The following PLIN2 variants were observed in gnomAD, a reference collection of about 807,000 sequenced individuals.
The protein encoded by PLIN2 is perilipin 2.
PLIN2 carries 33 observed loss-of-function variants against 30.6 expected under a neutral mutation model. That is an observed-to-expected ratio of 1.08 (90% CI 0.82 to 1.44). PLIN2 has a LOEUF of 1.44. Ranked by LOEUF, PLIN2 falls within the 40% of genes most tolerant of loss-of-function variation. PLIN2 has a pLI of 0.00. For synonymous variants in PLIN2, 205 were observed against 201.1 expected (o/e 1.02, Z -0.16); for missense variants, 610 against 531.8 (o/e 1.15, Z -1.45).
chr9:19,119,118 C>T (rs533490494), intron 6 of PLIN2, among the ~76,000 whole-genome samples: 3 of 152,338 alleles, frequency 2.0e-5, no homozygotes, highest in African/African-American at 7.2e-5. Flanking sequence ...ATGGTTTTCT[C>T]ATGGCAGTAC....
chr9:19,126,904 T>A (rs1414099117), intron 1 of PLIN2, among the ~76,000 whole-genome samples: 1 of 151,796 alleles, frequency 6.6e-6, no homozygotes, highest in Non-Finnish European at 1.5e-5. Flanking sequence ...TAGCCGGGCG[T>A]GGTGGCGGGC....
downstream of PLIN2, chr9:19,115,638 T>G (rs1164409486): frequency 6.6e-6 from 1 of 152,262 alleles, no homozygotes; most frequent in Non-Finnish European, 1.5e-5. Flanking sequence ...AGCCTTCTAA[T>G]GTTCTCACTC....
rs546970727 is a variant in PLIN2, at chr9:19,117,371, C to T, written c.913-722G>A. On this transcript the variant is annotated intron_variant, in intron 7 of 7. Coordinates refer to ENST00000276914, the MANE Select transcript of PLIN2 (RefSeq NM_001122.4). ...AGATGGGGTTTCACAGTTGCCCAGG[C>T]TGGTCCTGAATTCCTGGGCTCAAGT... 3.3e-4 allele frequency among the ~76,000 whole-genome samples: 50 copies of T among 152,204 alleles called. 1 individual carries two copies. In the South Asian group the frequency reaches 9.5e-3, roughly 29 times the overall value.
chr9:19,120,825 G>C, intron 5 of PLIN2, 55 bp downstream of exon 5: 1 of 1,354,660 alleles, frequency 7.4e-7, no homozygotes, highest in Non-Finnish European at 1.1e-6. Flanking sequence ...TGTCAATGAA[G>C]CTGTTTAAGA....
In PLIN2 at chr9:19,116,576, A is replaced by C; in HGVS notation, c.986T>G (p.Leu329Arg). The change falls in exon 8 of 8, where the codon CTG becomes CGG. Residue 329 changes from leucine to arginine, a missense_variant. Transcript: ENST00000276914. ...CTGTGGTACACCTTGGATGTTGGACAGGAGGGTGTGGCACGTGGTCTGGAG... is the reference window on the plus strand; with the variant it reads ...CTGTGGTACACCTTGGATGTTGGACCGGAGGGTGTGGCACGTGGTCTGGAG... ...QQLQTTCHTL[L>R]SNIQGVPQNI... 1.2e-6 allele frequency: 2 copies of C among 1,613,702 alleles called. No individual in the cohort carries two copies. The highest frequency in any genetic ancestry group is 1.3e-5 in the African/African-American group (1 of 75,030).
At chr9:19,108,418 TTTAA>T (rs1818119315) in exon 3 of PLIN2, 1 of 152,194 alleles carries the variant, frequency 6.6e-6, no homozygotes, top group African/African-American at 2.4e-5. Context: ...GCAATTAAAC[TTTAA>T]TTATATTAAA....
chr9:19,117,635 T>G (rs77398086), intron 7 of PLIN2, among the ~76,000 whole-genome samples: 3 of 151,460 alleles, frequency 2.0e-5, no homozygotes, highest in Non-Finnish European at 2.9e-5. Flanking sequence ...TTTTTTTTTT[T>G]GAGACAGAGT....
downstream of PLIN2, among the ~76,000 whole-genome samples, chr9:19,113,302 C>G (rs1319601597): frequency 6.6e-6 from 1 of 151,924 alleles, no homozygotes; most frequent in Admixed American, 6.6e-5. Flanking sequence ...CCATCACACT[C>G]CAGCCTGGAC....
chr9:19,118,984 C>T (rs926691976), intron 6 of PLIN2, among the ~76,000 whole-genome samples: 5 of 152,162 alleles, frequency 3.3e-5, no homozygotes, highest in African/African-American at 9.7e-5. Flanking sequence ...TGAGCCACCA[C>T]GCCCAGCCAG....
At chr9:19,112,960 T>C (rs1391272707), downstream of PLIN2, among the ~76,000 whole-genome samples, 1 of 151,950 alleles carries the variant, frequency 6.6e-6, no homozygotes, top group Non-Finnish European at 1.5e-5. Context: ...CAGTAAGGAC[T>C]ACAATTCTTT....
downstream of PLIN2, among the ~76,000 whole-genome samples, chr9:19,112,658 A>G (rs905151679): frequency 9.3e-5 from 14 of 151,270 alleles, no homozygotes; most frequent in African/African-American, 2.9e-4. Flanking sequence ...CAGTGAGCCA[A>G]TCACACCACT....
chr9:19,122,208 C>T (rs1818329845), intron 4 of PLIN2, among the ~76,000 whole-genome samples: 1 of 150,462 alleles, frequency 6.6e-6, no homozygotes, highest in Admixed American at 6.6e-5. Flanking sequence ...CAGTCTCAAG[C>T]AATGTAAGTG....
At chr9:19,113,408 G>A (rs1453402047), downstream of PLIN2, among the ~76,000 whole-genome samples, 2 of 151,894 alleles carry the variant, frequency 1.3e-5, no homozygotes, top group African/African-American at 4.8e-5. Context: ...GAGTGACTAG[G>A]CTCTGTCCTG....
intron 7 of PLIN2, 38 bp downstream of exon 7, chr9:19,118,283 C>G: frequency 1.3e-6 from 2 of 1,560,602 alleles, no homozygotes; most frequent in Non-Finnish European, 1.7e-6. Flanking sequence ...ATAAGAACTT[C>G]TTCAGCAACC....
intron 3 of PLIN2, among the ~76,000 whole-genome samples, chr9:19,123,926 G>A (rs1490151254): frequency 2.0e-5 from 3 of 151,158 alleles, no homozygotes; most frequent in African/African-American, 7.3e-5. Context: ...GGCTGAGGCA[G>A]GAGAATCGCT....
chr9:19,109,821 T>A (rs1818136125), intron 2 of PLIN2, among the ~76,000 whole-genome samples: 1 of 151,724 alleles, frequency 6.6e-6, no homozygotes, highest in Non-Finnish European at 1.5e-5. Flanking sequence ...CCGGGTATAG[T>A]GGCAGATGAC....
intron 2 of PLIN2, among the ~76,000 whole-genome samples, chr9:19,109,351 G>T (rs867554056): frequency 6.6e-6 from 1 of 150,386 alleles, no homozygotes; most frequent in Non-Finnish European, 1.5e-5. Flanking sequence ...TTGGGAGATC[G>T]AGACCATCCT....
intron 5 of PLIN2, among the ~76,000 whole-genome samples, chr9:19,120,624 C>T (rs565039691): frequency 1.3e-5 from 2 of 152,146 alleles, no homozygotes; most frequent in African/African-American, 4.8e-5. Context: ...GCAGGTGGAT[C>T]GTTTGAGCCC....
chr9:19,117,197 G>C (rs1410224164), intron 7 of PLIN2, among the ~76,000 whole-genome samples: 3 of 151,352 alleles, frequency 2.0e-5, no homozygotes, highest in African/African-American at 4.9e-5. Context: ...GTCTCAGTCT[G>C]TTGCCCAGGC....
Sources: allele counts gnomAD v4.1 joint callset (sites outside exome capture counted in the v4.1 genomes callset), GRCh38; gene constraint gnomAD v4.1.1; transcripts MANE v1.5; gene names NCBI Gene and HGNC (gene_info 2026-07-23, HGNC 2026-07-21).